SDHB: variants seen among roughly 807,000 people sequenced by gnomAD.
The protein encoded by SDHB is succinate dehydrogenase [ubiquinone] iron-sulfur subunit, mitochondrial.
In SDHB, 21 loss-of-function variants were observed where a neutral mutation model predicts 39.7. The ratio of observed to expected loss-of-function variants is 0.53; its 90% CI spans 0.37 to 0.76. The LOEUF (loss-of-function observed/expected upper bound fraction) is 0.76. SDHB is among the 30% of genes least tolerant of loss of function. SDHB has a pLI of 0.00. For synonymous variants in SDHB, 118 were observed against 117.0 expected (o/e 1.01, Z -0.06); for missense variants, 343 against 350.9 (o/e 0.98, Z 0.18).
chr1:17,027,670 T>C (rs1350418087), intron 5 of SDHB, 79 bp downstream of exon 5: 15 of 910,222 alleles, frequency 1.6e-5, no homozygotes, highest in Non-Finnish European at 2.6e-5. Flanking sequence ...TCAGCTTATG[T>C]TCCCTGCCAA....
intron 6 of SDHB, among the ~76,000 whole-genome samples, chr1:17,023,622 C>T (rs1001173587): frequency 2.0e-5 from 3 of 152,208 alleles, no homozygotes; most frequent in South Asian, 2.1e-4. Context: ...AAAGACACTG[C>T]TTTCTCCCCT....
intron 2 of SDHB, among the ~76,000 whole-genome samples, chr1:17,040,705 C>G (rs2078075131): frequency 6.6e-6 from 1 of 152,110 alleles, no homozygotes; most frequent in Non-Finnish European, 1.5e-5. Flanking sequence ...CTCAAGTGAT[C>G]CTTTTGCCTC....
At chr1:17,023,919 A>G (rs1198010254) in intron 6 of SDHB, 54 bp downstream of exon 6, 1 of 1,355,222 alleles carries the variant, frequency 7.4e-7, no homozygotes, top group African/African-American at 1.4e-5. Flanking sequence ...GTCCTCTTGG[A>G]CTTCTGGATG....
chr1:17,027,258 G>A (rs2077995978), intron 5 of SDHB, among the ~76,000 whole-genome samples: 1 of 152,218 alleles, frequency 6.6e-6, no homozygotes, highest in Admixed American at 6.5e-5. Flanking sequence ...CCCAGAGAGT[G>A]AGCAGGCCAG....
intron 1 of SDHB, 31 bp from the exon 2 acceptor site, chr1:17,044,919 A>G: frequency 6.2e-7 from 1 of 1,606,088 alleles, no homozygotes; most frequent in Non-Finnish European, 8.5e-7. Flanking sequence ...CAAAAAGGAA[A>G]AAAAAATTAG....
chr1:17,029,859 G>A (rs2078013266), intron 3 of SDHB, among the ~76,000 whole-genome samples: 1 of 152,136 alleles, frequency 6.6e-6, no homozygotes, highest in Non-Finnish European at 1.5e-5. Context: ...ACAGCCTCCT[G>A]AGTAGTTGGG....
At chr1:17,037,579 T>C (rs760491782) in intron 2 of SDHB, among the ~76,000 whole-genome samples, 6 of 152,106 alleles carry the variant, frequency 3.9e-5, no homozygotes, top group Admixed American at 6.6e-5. Flanking sequence ...GCCTTAGCCT[T>C]CCAAGAAGCT....
chr1:17,046,786 T>C (rs555892224), intron 1 of SDHB, among the ~76,000 whole-genome samples: 27 of 152,284 alleles, frequency 1.8e-4, no homozygotes, highest in Admixed American at 1.5e-3. Flanking sequence ...GGTGCAATCT[T>C]GGCTCACCAC....
chr1:17,023,917 G>T, intron 6 of SDHB, 56 bp downstream of exon 6: 1 of 1,338,404 alleles, frequency 7.5e-7, no homozygotes, highest in South Asian at 1.2e-5. Flanking sequence ...TTGTCCTCTT[G>T]GACTTCTGGA....
chr1:17,027,910 A>G, intron 4 of SDHB, 45 bp from the exon 5 acceptor site: 7 of 1,166,906 alleles, frequency 6.0e-6, no homozygotes, highest in Non-Finnish European at 9.0e-6. Context: ...GAAAAGGATC[A>G]GATTCCATCA....
chr1:17,022,684 C>T lies in SDHB; in HGVS notation c.689G>A (p.Arg230His), dbSNP rs587782604. The change falls in exon 7 of 8, where the codon CGC becomes CAC. Residue 230 changes from arginine (R) to histidine (H), a missense_variant. Transcript: ENST00000375499. ...IDSRDDFTEERLAKLQDPFSL... is the reference protein window; with the variant it reads ...IDSRDDFTEEHLAKLQDPFSL... ...GAATGGGTCCTGCAGCTTGGCCAGG[C>T]GCTCCTCTGTGAAGTCATCTCTGGA... is the stretch of plus-strand genomic sequence containing the variant. 6.8e-6 allele frequency: 11 copies of T among 1,613,774 alleles called. No individual in the cohort carries two copies. The highest frequency in any genetic ancestry group is 2.7e-5 in the African/African-American group (2 of 74,872).
intron 2 of SDHB, among the ~76,000 whole-genome samples, chr1:17,043,143 T>C (rs897515517): frequency 6.6e-6 from 1 of 151,930 alleles, no homozygotes; most frequent in African/African-American, 2.4e-5. Flanking sequence ...TATATTTTAG[T>C]AGAGATGGGG....
intron 5 of SDHB, among the ~76,000 whole-genome samples, chr1:17,026,256 C>G (rs951410022): frequency 9.2e-5 from 14 of 152,228 alleles, no homozygotes; most frequent in Admixed American, 6.5e-4. Flanking sequence ...CTGAGAAGAG[C>G]AGCTCTGAAG....
rs149081035 is a variant in SDHB at position 17,040,256 on chromosome 1, G to A, written c.200+4505C>T. Reference sequence around the variant, plus strand: ...TCAAGATTTTCTCCTATTTTTGGTCGTCAGCAACTTGACTTCATGGAACAG... The same window carrying A: ...TCAAGATTTTCTCCTATTTTTGGTCATCAGCAACTTGACTTCATGGAACAG... On this transcript the variant is annotated intron_variant, in intron 2 of 7. Coordinates refer to ENST00000375499, the MANE Select transcript of SDHB (RefSeq NM_003000.3). 2.5e-3 allele frequency among the ~76,000 whole-genome samples: 386 copies of A among 152,128 alleles called. 2 individuals carry two copies. The highest frequency in any genetic ancestry group is 8.8e-3 in the African/African-American group (367 of 41,490).
chr1:17,029,998 T>TC (rs936288573), intron 3 of SDHB, among the ~76,000 whole-genome samples: 7 of 152,188 alleles, frequency 4.6e-5, no homozygotes, highest in Admixed American at 6.5e-5. Context: ...GGTCAGGAGT[T>TC]CGAGACCAGT....
intron 7 of SDHB, among the ~76,000 whole-genome samples, chr1:17,021,818 C>T (rs1298409111): frequency 6.6e-6 from 1 of 152,012 alleles, no homozygotes; most frequent in Non-Finnish European, 1.5e-5. Flanking sequence ...TGGGGTAATA[C>T]AGCACGAAGG....
Position 17,024,031 on chromosome 1 carries a change from C to G in SDHB, c.584G>C (p.Ser195Thr), listed in dbSNP as rs1570945866. 1 of 1,613,864 alleles carries G rather than the reference C, an allele frequency of 6.2e-7. No homozygotes were observed. The highest frequency in any genetic ancestry group is 1.3e-5 in the African/African-American group (1 of 74,918). ...ECILCACCSTSCPSYWWNGDK... is the reference protein window; with the variant it reads ...ECILCACCSTTCPSYWWNGDK... ...TCCGTTCCACCAGTAGCTGGGGCAG[C>G]TGGTGCTACAGCAGGCACAGAGAAT... Residue 195 changes from serine (S) to threonine (T), a missense_variant, in exon 6 of 8, where the codon AGC (serine) becomes ACC (threonine). Coordinates refer to ENST00000375499, the MANE Select transcript of SDHB (RefSeq NM_003000.3).
chr1:17,053,586 T>C (rs2078160486), intron 1 of SDHB, among the ~76,000 whole-genome samples: 1 of 152,018 alleles, frequency 6.6e-6, no homozygotes, highest in South Asian at 2.1e-4. Context: ...ACAGAGGCGA[T>C]AGTTTGGTGG....
At chr1:17,053,220 G>T (rs779537781) in intron 1 of SDHB, among the ~76,000 whole-genome samples, 2 of 152,070 alleles carry the variant, frequency 1.3e-5, no homozygotes, top group Non-Finnish European at 2.9e-5. Flanking sequence ...TACTGCACAC[G>T]GCATAGTAAT....
Sources: allele counts gnomAD v4.1 joint callset (sites outside exome capture counted in the v4.1 genomes callset), GRCh38; gene constraint gnomAD v4.1.1; transcripts MANE v1.5; gene names NCBI Gene and HGNC (gene_info 2026-07-23, HGNC 2026-07-21).